Variants in RARB observed in about 807,000 individuals in gnomAD.
RARB encodes the protein HBV-activated protein.
In RARB, 17 loss-of-function variants were observed where a neutral mutation model predicts 51.9. The ratio of observed to expected loss-of-function variants is 0.33; its 90% CI spans 0.22 to 0.49. The LOEUF is 0.49. RARB is among the 20% of genes least tolerant of loss of function. The probability of loss-of-function intolerance (pLI) is 0.99; values close to 1 mark genes in which losing one functional copy is unlikely to be tolerated. For missense variants in RARB, 369 were observed against 550.8 expected (o/e 0.67, Z 3.30); for synonymous variants, 215 against 195.4 (o/e 1.10, Z -0.84).
chr3:24,977,784 C>G (rs1387621585), intron 2 of RARB, among the ~76,000 whole-genome samples: 1 of 152,146 alleles, frequency 6.6e-6, no homozygotes, highest in African/African-American at 2.4e-5. Flanking sequence ...GGACTTCCAA[C>G]ATTATGTTGA....
chr3:25,422,709 A>G (rs1353908740), intron 5 of RARB, among the ~76,000 whole-genome samples: 1 of 152,070 alleles, frequency 6.6e-6, no homozygotes, highest in Non-Finnish European at 1.5e-5. Flanking sequence ...TGCATTCTAG[A>G]TGAATAATAT....
chr3:25,451,488 T>C (rs1709192828), intron 1 of RARB, among the ~76,000 whole-genome samples: 1 of 152,194 alleles, frequency 6.6e-6, no homozygotes. Flanking sequence ...GGTTTCAAAG[T>C]TATTTTGAGG....
chr3:25,058,739 A>T (rs1429125621), intron 2 of RARB, among the ~76,000 whole-genome samples: 1 of 151,796 alleles, frequency 6.6e-6, no homozygotes, highest in African/African-American at 2.4e-5. Flanking sequence ...TTGATTATGC[A>T]ATTGATCAAA....
intron 2 of RARB, among the ~76,000 whole-genome samples, chr3:24,900,783 G>A (rs1216254895): frequency 2.6e-5 from 4 of 152,094 alleles, no homozygotes; most frequent in Admixed American, 6.6e-5. Flanking sequence ...CAGCACATTC[G>A]GTTTGAGCAG....
At chr3:25,011,718 A>T (rs528040102) in intron 2 of RARB, among the ~76,000 whole-genome samples, 1 of 152,252 alleles carries the variant, frequency 6.6e-6, no homozygotes, top group East Asian at 1.9e-4. Context: ...TTACTGGTTT[A>T]AAGATGGAAA....
chr3:25,172,389 G>T (rs954636191), intron 4 of RARB, among the ~76,000 whole-genome samples: 11 of 152,156 alleles, frequency 7.2e-5, no homozygotes. Context: ...AACTCACTGA[G>T]ACCTACTCTT....
At position 24,866,587 on chromosome 3, in the gene RARB, T is replaced by G. The variant is rs923264553; in HGVS notation, c.-380+7835T>G. On this transcript the variant is annotated intron_variant, in intron 2 of 11. Coordinates refer to the RARB transcript ENST00000383772. The stretch of plus-strand genomic sequence containing the variant: ...AGAATCAGCAAGAGAAGGGAAGATG[T>G]GAGCTCCCAACCTCCCTCACCGGCC... 1.1e-4 allele frequency among the ~76,000 whole-genome samples: 16 copies of G among 152,046 alleles called. No individual in the cohort carries two copies. The East Asian group carries it at 1.4e-3, about 13-fold the overall frequency.
intron 2 of RARB, among the ~76,000 whole-genome samples, chr3:24,900,325 G>T (rs1575061765): frequency 6.6e-6 from 1 of 152,212 alleles, no homozygotes; most frequent in Admixed American, 6.5e-5. Flanking sequence ...TTTGTGGAAT[G>T]AAAGAGAGAG....
intron 2 of RARB, among the ~76,000 whole-genome samples, chr3:25,034,058 T>G (rs1415658068): frequency 6.6e-6 from 1 of 152,098 alleles, no homozygotes; most frequent in Admixed American, 6.6e-5. Flanking sequence ...TCTGAGGGTG[T>G]TTTTGAGCCT....
At position 24,852,883 on chromosome 3, in the gene RARB, T is replaced by G. The variant is rs149506291; in HGVS notation, c.-458-5791T>G. Among the ~76,000 whole-genome samples the G allele has an allele frequency of 3.7e-3, 563 of 151,568 alleles. 5 individuals are homozygous for G. Among genetic ancestry groups the G allele is most frequent in the Middle Eastern group, 0.027 (8 of 294 alleles). On this transcript the variant is annotated intron_variant, in intron 1 of 11. Coordinates refer to the RARB transcript ENST00000383772. ...TGGCCCAGGGTTATTTTTTGGGGGG[T>G]TGTGGTGATGATGGAAATGTTCTAA... is the stretch of plus-strand genomic sequence containing the variant.
intron 5 of RARB, among the ~76,000 whole-genome samples, chr3:25,333,789 G>A (rs958528454): frequency 3.3e-5 from 5 of 152,184 alleles, no homozygotes; most frequent in Admixed American, 3.3e-4. Context: ...CTGACAAAGG[G>A]CTAATGTCCA....
intron 3 of RARB, among the ~76,000 whole-genome samples, chr3:25,550,202 G>T (rs2125666745): frequency 6.6e-6 from 1 of 152,298 alleles, no homozygotes; most frequent in East Asian, 1.9e-4. Flanking sequence ...AGTAAAATCT[G>T]TCTACATTTT....
intron 5 of RARB, among the ~76,000 whole-genome samples, chr3:25,585,695 G>C (rs1701355771): frequency 6.6e-6 from 1 of 152,178 alleles, no homozygotes; most frequent in African/African-American, 2.4e-5. Context: ...TCCTGGACAG[G>C]GGCTCATGCC....
At chr3:25,374,461 GC>G (rs1706396780) in intron 5 of RARB, among the ~76,000 whole-genome samples, 1 of 152,142 alleles carries the variant, frequency 6.6e-6, no homozygotes, top group Admixed American at 6.5e-5. Context: ...TTATTATCAT[GC>G]CTAGCTTGAA....
At chr3:25,469,430 G>A (rs1272571673) in intron 2 of RARB, among the ~76,000 whole-genome samples, 4 of 152,198 alleles carry the variant, frequency 2.6e-5, no homozygotes, top group Non-Finnish European at 5.9e-5. Context: ...GTTTGCTGCA[G>A]TATTGATCCC....
chr3:25,376,554 T>C (rs1390065189), intron 5 of RARB, among the ~76,000 whole-genome samples: 3 of 152,166 alleles, frequency 2.0e-5, no homozygotes, highest in Admixed American at 6.5e-5. Context: ...ATTTTTAAAC[T>C]TGGAAACTGG....
intron 5 of RARB, among the ~76,000 whole-genome samples, chr3:25,583,033 ACTC>A (rs1559479157): frequency 6.6e-6 from 1 of 151,600 alleles, no homozygotes; most frequent in African/African-American, 2.4e-5. Flanking sequence ...ACTTTCAACC[ACTC>A]CTTCCTGGGC....
intron 3 of RARB, among the ~76,000 whole-genome samples, chr3:25,111,704 G>A (rs1010779263): frequency 1.9e-4 from 27 of 144,176 alleles, no homozygotes; most frequent in African/African-American, 6.4e-4. Flanking sequence ...TCAGCCTCCC[G>A]AGTAGCTGAG....
intron 5 of RARB, among the ~76,000 whole-genome samples, chr3:25,211,329 T>C (rs1701691413): frequency 6.6e-6 from 1 of 152,168 alleles, no homozygotes; most frequent in African/African-American, 2.4e-5. Flanking sequence ...GCCTTCATGA[T>C]TAGTATAGAT....
Sources: allele counts gnomAD v4.1 joint callset (sites outside exome capture counted in the v4.1 genomes callset), GRCh38; gene constraint gnomAD v4.1.1; transcripts MANE v1.5; gene names NCBI Gene and HGNC (gene_info 2026-07-23, HGNC 2026-07-21).